OPHN1: variants seen among roughly 807,000 people sequenced by gnomAD.
OPHN1 encodes oligophrenin 1.
A neutral mutation model predicts 60.7 loss-of-function variants in OPHN1; 11 were observed. The ratio of observed to expected loss-of-function variants is 0.18; its 90% confidence interval spans 0.11 to 0.30. The LOEUF (loss-of-function observed/expected upper bound fraction) is 0.30, where lower values mean the gene tolerates loss of function less well. Ranked by LOEUF, OPHN1 falls within the 10% of genes least tolerant of loss-of-function variation. The pLI is 1.00. For synonymous variants in OPHN1, 226 were observed against 222.6 expected, an observed-to-expected ratio of 1.02 and a Z score of -0.14; for missense variants, 449 against 611.0, an observed-to-expected ratio of 0.73 and a Z score of 2.80.
At position 68,155,571 on chromosome X, in the gene OPHN1, C is replaced by T. The variant is rs139764483; in HGVS notation, c.1277-36239G>A. 9.8e-5 allele frequency among the ~76,000 whole-genome samples: 11 copies of T among 112,311 alleles called. No individual in the cohort carries two copies. The East Asian group carries it at 3.1e-3, about 31-fold the overall frequency. ...ATTAAACCTTTTTCTTTACAAATTA[C>T]CCAGTCTCGGGTAGTATCTTTACAG... On this transcript the variant is annotated intron_variant, in intron 15 of 24. Coordinates refer to ENST00000355520, the MANE Select transcript of OPHN1 (RefSeq NM_002547.3).
At chrX:68,286,889 C>T (rs995108279) in intron 3 of OPHN1, among the ~76,000 whole-genome samples, 13 of 108,761 alleles carry the variant, frequency 1.2e-4, no homozygotes, top group African/African-American at 4.4e-4. Flanking sequence ...GTGGCAGGTG[C>T]CTGTAATTCC....
At chrX:68,073,789 G>T (rs934182305) in intron 19 of OPHN1, among the ~76,000 whole-genome samples, 4 of 112,133 alleles carry the variant, frequency 3.6e-5, no homozygotes, top group Non-Finnish European at 7.5e-5. Context: ...GGATACCAAA[G>T]AATCTGATTA....
chrX:68,283,412 G>A (rs2078027459), intron 3 of OPHN1, among the ~76,000 whole-genome samples: 1 of 111,775 alleles, frequency 8.9e-6, no homozygotes, highest in Admixed American at 9.5e-5. Flanking sequence ...ATTAGGGAAG[G>A]GGCAAGAGGT....
chrX:68,178,858 A>T (rs2077425057), intron 15 of OPHN1, among the ~76,000 whole-genome samples: 1 of 112,471 alleles, frequency 8.9e-6, no homozygotes, highest in African/African-American at 3.2e-5. Context: ...AAGGTGATAC[A>T]TACATATAAA....
At chrX:68,128,366 G>A (rs2077180432) in intron 15 of OPHN1, among the ~76,000 whole-genome samples, 1 of 111,307 alleles carries the variant, frequency 9.0e-6, no homozygotes, top group African/African-American at 3.3e-5. Flanking sequence ...TATTGATAAT[G>A]TTTTTAACAT....
intron 5 of OPHN1, among the ~76,000 whole-genome samples, chrX:68,257,675 T>C (rs1176484095): frequency 8.0e-5 from 9 of 112,073 alleles, no homozygotes; most frequent in Non-Finnish European, 3.8e-5. Flanking sequence ...TTACCTTAAA[T>C]TAACTAAAAT....
chrX:68,077,550 G>C (rs1440730399), intron 19 of OPHN1, among the ~76,000 whole-genome samples: 1 of 112,129 alleles, frequency 8.9e-6, no homozygotes, highest in African/African-American at 3.2e-5. Flanking sequence ...TTTTAAAGTA[G>C]CTTATGGAAT....
At chrX:68,056,597 A>G (rs765467155) in intron 21 of OPHN1, among the ~76,000 whole-genome samples, 1 of 111,647 alleles carries the variant, frequency 9.0e-6, no homozygotes, top group South Asian at 3.8e-4. Flanking sequence ...AGCAGAAAAA[A>G]TTAACCAAAA....
intron 2 of OPHN1, among the ~76,000 whole-genome samples, chrX:68,358,825 A>G (rs1172872546): frequency 8.9e-6 from 1 of 111,913 alleles, no homozygotes; most frequent in East Asian, 2.8e-4. Context: ...TTTTCAGATA[A>G]GAAAGCTAAG....
chrX:68,099,512 G>T (rs901588515), intron 18 of OPHN1, among the ~76,000 whole-genome samples: 1 of 111,693 alleles, frequency 9.0e-6, no homozygotes, highest in Non-Finnish European at 1.9e-5. Flanking sequence ...CCATTTTCCC[G>T]CCACTCACTT....
At chrX:68,416,610 A>C (rs1025887805) in intron 2 of OPHN1, among the ~76,000 whole-genome samples, 3 of 111,790 alleles carry the variant, frequency 2.7e-5, no homozygotes, top group African/African-American at 9.8e-5. Flanking sequence ...GATGATGAAC[A>C]CTTTGCCCAT....
chrX:68,143,701 C>A (rs748113148), intron 15 of OPHN1, among the ~76,000 whole-genome samples: 5 of 111,524 alleles, frequency 4.5e-5, no homozygotes, highest in Non-Finnish European at 9.4e-5. Context: ...TAATATCCCC[C>A]GGTAGACAAC....
At chrX:68,065,550 G>A (rs1440321946) in intron 20 of OPHN1, among the ~76,000 whole-genome samples, 4 of 111,850 alleles carry the variant, frequency 3.6e-5, no homozygotes, top group South Asian at 7.5e-4. Flanking sequence ...GCAATAAAAT[G>A]TTAAAAGAAA....
At chrX:68,262,000 T>A (rs996835973) in intron 5 of OPHN1, among the ~76,000 whole-genome samples, 1 of 111,700 alleles carries the variant, frequency 9.0e-6, no homozygotes. Context: ...AATATCTTCA[T>A]CTTACAAAGC....
chrX:68,051,138 C>T (rs1330730271), intron 23 of OPHN1, among the ~76,000 whole-genome samples: 1 of 111,507 alleles, frequency 9.0e-6, no homozygotes, highest in Non-Finnish European at 1.9e-5. Flanking sequence ...GGAAAATCTA[C>T]CCCAACTCCA....
At chrX:68,337,521 A>G (rs2078329774) in intron 2 of OPHN1, among the ~76,000 whole-genome samples, 1 of 111,315 alleles carries the variant, frequency 9.0e-6, no homozygotes, top group Admixed American at 9.7e-5. Flanking sequence ...GCAAAACTTA[A>G]TTTTTGGTTT....
At position 68,048,526 on chromosome X, in the gene OPHN1, G is replaced by C. The variant is rs1027740989; in HGVS notation, c.2376-69C>G. The stretch of plus-strand genomic sequence containing the variant: ...GACTGGAAAGGTAAATTGGGGGAAT[G>C]GGGGACACTTCTAGGCCAGTGCTAA... On this transcript the variant is annotated intron_variant, in intron 23 of 24. Transcript: ENST00000355520. 4.1e-6 allele frequency: 4 copies of C among 976,156 alleles called. No homozygotes were observed. The African/African-American group carries it at 5.7e-5, about 14-fold the overall frequency. 80.4% of individuals were successfully genotyped at this position (976,156 alleles called of 1,213,427 possible).
intron 2 of OPHN1, among the ~76,000 whole-genome samples, chrX:68,318,149 TA>T (rs2078218430): frequency 9.0e-6 from 1 of 111,153 alleles, no homozygotes; most frequent in Non-Finnish European, 1.9e-5. Flanking sequence ...GAAACTGAAA[TA>T]AAAAACACAA....
chrX:68,297,904 C>T (rs2078102974), intron 3 of OPHN1, among the ~76,000 whole-genome samples: 1 of 111,319 alleles, frequency 9.0e-6, no homozygotes, highest in Non-Finnish European at 1.9e-5. Flanking sequence ...GAGAAAAAGA[C>T]TTAAAGGATA....
Sources: allele counts gnomAD v4.1 joint callset (sites outside exome capture counted in the v4.1 genomes callset), GRCh38; gene constraint gnomAD v4.1.1; transcripts MANE v1.5; gene names NCBI Gene and HGNC (gene_info 2026-07-23, HGNC 2026-07-21).